NPAS3: variants seen among roughly 807,000 people sequenced by gnomAD.
The protein encoded by NPAS3 is neuronal PAS domain-containing protein 3.
A neutral mutation model predicts 73.1 loss-of-function variants in NPAS3; 14 were observed. That is an observed-to-expected ratio of 0.19 (90% CI 0.13 to 0.30). The LOEUF is 0.30. Among genes scored for constraint, NPAS3 ranks in the 10% least tolerant of loss-of-function variants. The probability of loss-of-function intolerance (pLI) is 1.00; values close to 1 mark genes in which losing one functional copy is unlikely to be tolerated. For missense variants in NPAS3, 1,096 were observed against 1,250.0 expected (o/e 0.88, Z 1.86); for synonymous variants, 620 against 541.5 (o/e 1.14, Z -2.01).
intron 1 of NPAS3, among the ~76,000 whole-genome samples, chr14:33,037,457 C>G (rs183754462): frequency 7.3e-6 from 1 of 136,286 alleles, no homozygotes; most frequent in Non-Finnish European, 1.6e-5. Context: ...CCAGCCTGGA[C>G]AACATAGTGA....
At chr14:33,474,609 A>G (rs1272283357) in intron 4 of NPAS3, among the ~76,000 whole-genome samples, 1 of 152,176 alleles carries the variant, frequency 6.6e-6, no homozygotes, top group African/African-American at 2.4e-5. Context: ...AACTTCTTAA[A>G]GTTACTTGTA....
At chr14:33,576,373 G>A (rs983959375) in intron 5 of NPAS3, among the ~76,000 whole-genome samples, 1 of 152,146 alleles carries the variant, frequency 6.6e-6, no homozygotes, top group Non-Finnish European at 1.5e-5. Context: ...ACTACGGACT[G>A]TAATTTACTT....
intron 5 of NPAS3, among the ~76,000 whole-genome samples, chr14:33,663,174 T>A (rs1486106263): frequency 1.3e-5 from 2 of 152,194 alleles, no homozygotes; most frequent in Non-Finnish European, 2.9e-5. Context: ...TGCTTCCAGC[T>A]TTTGCCCATT....
At chr14:33,699,926 T>G (rs920350437) in intron 6 of NPAS3, among the ~76,000 whole-genome samples, 1 of 152,072 alleles carries the variant, frequency 6.6e-6, no homozygotes, top group Non-Finnish European at 1.5e-5. Flanking sequence ...CAAAATGCTA[T>G]TGGATCCTTC....
intron 10 of NPAS3, among the ~76,000 whole-genome samples, chr14:33,794,999 G>T (rs1309097848): frequency 1.3e-5 from 2 of 152,186 alleles, no homozygotes; most frequent in Non-Finnish European, 2.9e-5. Flanking sequence ...GGAAGTTGGT[G>T]CCCTTTGGCT....
At chr14:33,724,010 A>C (rs1457888879) in intron 6 of NPAS3, among the ~76,000 whole-genome samples, 2 of 152,194 alleles carry the variant, frequency 1.3e-5, no homozygotes, top group Non-Finnish European at 2.9e-5. Context: ...CTTGGGCTTT[A>C]ACCAGGCTTC....
chr14:33,237,491 A>G (rs2048074508), intron 3 of NPAS3, among the ~76,000 whole-genome samples: 1 of 152,104 alleles, frequency 6.6e-6, no homozygotes, highest in Admixed American at 6.6e-5. Context: ...ATCCCAGACC[A>G]TGTTGTAAGA....
chr14:33,202,402 T>TA (rs1034997542), intron 2 of NPAS3, among the ~76,000 whole-genome samples: 48 of 147,648 alleles, frequency 3.3e-4, no homozygotes, highest in South Asian at 4.3e-4. Flanking sequence ...GACCCTGTCT[T>TA]AAAAAAAAAA....
intron 5 of NPAS3, among the ~76,000 whole-genome samples, chr14:33,578,969 T>C (rs1291092080): frequency 6.6e-6 from 1 of 152,244 alleles, no homozygotes; most frequent in Non-Finnish European, 1.5e-5. Flanking sequence ...AATAGACTAA[T>C]GTGCCAAGCT....
chr14:33,478,756 A>T (rs2051167863), intron 4 of NPAS3, among the ~76,000 whole-genome samples: 1 of 152,198 alleles, frequency 6.6e-6, no homozygotes, highest in Non-Finnish European at 1.5e-5. Flanking sequence ...AGAATAGTCA[A>T]ATATTTGGAA....
At chr14:33,174,659 A>G (rs2045520338) in intron 2 of NPAS3, among the ~76,000 whole-genome samples, 1 of 152,194 alleles carries the variant, frequency 6.6e-6, no homozygotes, top group Non-Finnish European at 1.5e-5. Flanking sequence ...CCAGGAGTCT[A>G]TTAATCTCCA....
At chr14:32,967,557 A>G (rs1242669908) in intron 1 of NPAS3, among the ~76,000 whole-genome samples, 1 of 152,252 alleles carries the variant, frequency 6.6e-6, no homozygotes, top group South Asian at 2.1e-4. Context: ...AAAAGAAGAC[A>G]TACAAATGGC....
chr14:33,088,405 C>T (rs929911807), intron 2 of NPAS3, among the ~76,000 whole-genome samples: 8 of 152,226 alleles, frequency 5.3e-5, no homozygotes, highest in African/African-American at 1.4e-4. Context: ...GTGCCTGGCT[C>T]GGAGGGTCCC....
chr14:33,484,593 A>G (rs1244088457), intron 4 of NPAS3, among the ~76,000 whole-genome samples: 2 of 152,218 alleles, frequency 1.3e-5, no homozygotes, highest in Non-Finnish European at 2.9e-5. Context: ...GTGTGTGAGG[A>G]GATAAATAGT....
intron 1 of NPAS3, among the ~76,000 whole-genome samples, chr14:33,054,350 A>C (rs1042884992): frequency 6.6e-6 from 1 of 152,192 alleles, no homozygotes; most frequent in African/African-American, 2.4e-5. Flanking sequence ...TAAATGGTTA[A>C]TTATAAATAG....
chr14:33,124,583 AAG>A (rs1265891426), intron 2 of NPAS3, among the ~76,000 whole-genome samples: 3 of 152,148 alleles, frequency 2.0e-5, no homozygotes, highest in Non-Finnish European at 4.4e-5. Context: ...TAAGGACTGA[AAG>A]AGGCATGTTA....
At chr14:33,046,889 A>G (rs1374618321) in intron 1 of NPAS3, among the ~76,000 whole-genome samples, 1 of 152,104 alleles carries the variant, frequency 6.6e-6, no homozygotes, top group Non-Finnish European at 1.5e-5. Context: ...CAGGAGAATC[A>G]CTTGAACCTG....
rs1463459362 is a variant in NPAS3, at chr14:33,467,375, A to G, written c.469-92746A>G. ...CTTTCTCTCTCTCTTTGGGGGAAGTAGATGGAAAACAATCTAGTTGTAATT... is the reference window on the plus strand; with the variant it reads ...CTTTCTCTCTCTCTTTGGGGGAAGTGGATGGAAAACAATCTAGTTGTAATT... On this transcript the variant is annotated intron_variant, in intron 4 of 11. Transcript: ENST00000356141. Among the ~76,000 whole-genome samples the G allele has an allele frequency of 2.0e-5, 3 of 152,224 alleles. No individual in the cohort carries two copies. In the East Asian group the frequency reaches 5.8e-4, roughly 29 times the overall value.
Position 33,251,897 on chromosome 14 carries a change from G to T in NPAS3, c.385+36471G>T, listed in dbSNP as rs367703731. ...CTCTGCTTTCTCTTTTTTTTAGAGG[G>T]GACCTGGCCCAATTTATTTCAGACC... On this transcript the variant is annotated intron_variant, in intron 3 of 11. Coordinates refer to ENST00000356141, the Ensembl canonical transcript of NPAS3. 3.3e-5 allele frequency among the ~76,000 whole-genome samples: 5 copies of T among 151,792 alleles called. No individual in the cohort carries two copies. The East Asian group carries it at 7.7e-4, about 23-fold the overall frequency.
Sources: gnomAD v4.1 joint callset for allele counts (sites outside exome capture counted in the v4.1 genomes callset) on GRCh38, gnomAD v4.1.1 for gene constraint, MANE v1.5 for transcripts, NCBI Gene and HGNC (gene_info 2026-07-23, HGNC 2026-07-21) for gene names.